Variants in MYO10 observed in about 807,000 individuals in gnomAD.
The protein encoded by MYO10 is myosin X, also known as unconventional myosin-X.
MYO10 carries 133 observed loss-of-function variants against 257.3 expected under a neutral mutation model. That is an observed-to-expected ratio of 0.52 (90% CI 0.45 to 0.60). The LOEUF is 0.60. MYO10 is among the 20% of genes least tolerant of loss of function. MYO10 has a pLI of 0.00. For synonymous variants in MYO10, 1,104 were observed against 1,028.6 expected, an observed-to-expected ratio of 1.07 and a Z score of -1.40; for missense variants, 2,399 against 2,635.7, an observed-to-expected ratio of 0.91 and a Z score of 1.97.
At chr5:16,798,007 G>A (rs1742018790) in intron 3 of MYO10, among the ~76,000 whole-genome samples, 1 of 152,218 alleles carries the variant, frequency 6.6e-6, no homozygotes. Flanking sequence ...TTGCAGGAGT[G>A]AGTTAGTTAT....
At chr5:16,681,172 C>T (rs1736978981) in intron 32 of MYO10, 137 bp downstream of exon 32, 3 of 922,840 alleles carry the variant, frequency 3.3e-6, no homozygotes, top group Non-Finnish European at 4.7e-6. Context: ...CCCAGACAGG[C>T]TTAGAAGATA....
At chr5:16,742,811 C>CAA (rs57564484) in intron 19 of MYO10, among the ~76,000 whole-genome samples, 27 of 133,562 alleles carry the variant, frequency 2.0e-4, no homozygotes, top group African/African-American at 6.9e-4. Context: ...GACTCGGTCT[C>CAA]AAAAAAAAAA....
intron 2 of MYO10, among the ~76,000 whole-genome samples, chr5:16,831,549 G>A (rs900231039): frequency 6.6e-6 from 1 of 150,940 alleles, no homozygotes. Flanking sequence ...CCATAAAAAG[G>A]AATGAATTAA....
chr5:16,930,312 T>A (rs1338798152), intron 1 of MYO10, among the ~76,000 whole-genome samples: 1 of 152,134 alleles, frequency 6.6e-6, no homozygotes, highest in Non-Finnish European at 1.5e-5. Flanking sequence ...GGAGTGGAAC[T>A]GGGTAACAGA....
chr5:16,775,159 C>T (rs922158788), intron 9 of MYO10, among the ~76,000 whole-genome samples: 2 of 152,186 alleles, frequency 1.3e-5, no homozygotes, highest in African/African-American at 2.4e-5. Flanking sequence ...AATAGCTTTT[C>T]ATCCTGACCT....
At chr5:16,753,750 C>G (rs1740450466) in intron 19 of MYO10, among the ~76,000 whole-genome samples, 1 of 152,072 alleles carries the variant, frequency 6.6e-6, no homozygotes, top group Non-Finnish European at 1.5e-5. Flanking sequence ...GGATTACAGG[C>G]GTGAGCCACC....
In MYO10 at chr5:16,918,505, T is replaced by TG. The variant is rs200729752; in HGVS notation, c.21+17282_21+17283insC. ...ACTGAAACTATTTTTCTTTTCTTTT[T>TG]TTTTTTTTTTTTTTGAGACAGAGTT... On this transcript the variant is annotated intron_variant, in intron 1 of 40. Transcript: ENST00000513610. 1.5e-3 allele frequency among the ~76,000 whole-genome samples: 193 copies of TG among 131,486 alleles called. 1 individual carries two copies. In the East Asian group the frequency reaches 0.032, roughly 22 times the overall value. 86.3% of individuals were successfully genotyped at this position (131,486 alleles called of 152,430 possible). A position where few individuals can be genotyped will look rare whatever the true frequency, so the allele number is the denominator to read the frequency against.
intron 19 of MYO10, among the ~76,000 whole-genome samples, chr5:16,751,415 T>C (rs1372309749): frequency 6.6e-6 from 1 of 152,286 alleles, no homozygotes; most frequent in African/African-American, 2.4e-5. Flanking sequence ...CCATCTACCA[T>C]CACACCTGCA....
At chr5:16,839,748 AT>A (rs773027312) in intron 2 of MYO10, among the ~76,000 whole-genome samples, 1 of 152,160 alleles carries the variant, frequency 6.6e-6, no homozygotes, top group Non-Finnish European at 1.5e-5. Flanking sequence ...CTCAAAAAAA[AT>A]AAATTAATTA....
intron 1 of MYO10, among the ~76,000 whole-genome samples, chr5:16,900,441 G>GA (rs1745345603): frequency 6.6e-6 from 1 of 152,048 alleles, no homozygotes; most frequent in Non-Finnish European, 1.5e-5. Context: ...CCTGAACAGA[G>GA]AAAAAAACTA....
Position 16,672,750 on chromosome 5 carries a change from G to A in MYO10, c.5248C>T (p.His1750Tyr). The A allele has an allele frequency of 6.2e-7, 1 of 1,613,992 alleles. No homozygotes were observed. Among genetic ancestry groups the A allele is most frequent in the Non-Finnish European group, 8.5e-7 (1 of 1,179,888 alleles). ...CGACTTTCAATGGCTTTGTCGACGT[G>A]GCCGTTGTATTCAAACAAAGCAAAC... ...NMFALFEYNGHVDKAIESRTV... is the reference protein window; with the variant it reads ...NMFALFEYNGYVDKAIESRTV... Residue 1750 changes from histidine (H) to tyrosine (Y), a missense_variant, in exon 37 of 41, where the codon CAC becomes TAC. By Grantham distance (83) the His-to-Tyr change is moderately conservative. Around this residue, in one of 3 missense-constraint regions of MYO10, gnomAD observed 1,820 missense variants for 1,939.4 expected, o/e 0.94. Transcript: ENST00000513610.
intron 2 of MYO10, among the ~76,000 whole-genome samples, chr5:16,873,870 C>T (rs965320909): frequency 2.0e-5 from 3 of 152,252 alleles, no homozygotes; most frequent in East Asian, 1.9e-4. Flanking sequence ...GACCTGGGCC[C>T]GGCCCACTAA....
chr5:16,889,378 C>T (rs1422705403), intron 1 of MYO10, among the ~76,000 whole-genome samples: 1 of 151,322 alleles, frequency 6.6e-6, no homozygotes, highest in Admixed American at 6.6e-5. Context: ...TATACTCCAG[C>T]CTGGGCAACA....
intron 6 of MYO10, 90 bp from the exon 7 acceptor site, chr5:16,780,831 CAAAT>C (rs1741400711): frequency 7.8e-7 from 1 of 1,283,362 alleles, no homozygotes; most frequent in East Asian, 2.5e-5. Context: ...CTTTGGTGCT[CAAAT>C]AATTACAGTT....
At chr5:16,845,498 C>T (rs1345838125) in intron 2 of MYO10, among the ~76,000 whole-genome samples, 1 of 151,974 alleles carries the variant, frequency 6.6e-6, no homozygotes, top group Non-Finnish European at 1.5e-5. Flanking sequence ...GAGACTCACG[C>T]CTCTTAAAAA....
At chr5:16,795,203 G>T (rs1196313778) in intron 3 of MYO10, among the ~76,000 whole-genome samples, 2 of 152,220 alleles carry the variant, frequency 1.3e-5, no homozygotes, top group African/African-American at 4.8e-5. Flanking sequence ...AAACAGCATG[G>T]TTAAAAAGTG....
Position 16,748,627 on chromosome 5 carries a change from A to G in MYO10, c.1929+6201T>C, listed in dbSNP as rs1004174107. ...AAAAGAGGGAGAGAGGGAGAGAGGG[A>G]GGGAGGGAGGGAGGGAGAAATAGCA... On this transcript the variant is annotated intron_variant, in intron 19 of 40. Coordinates refer to ENST00000513610, the MANE Select transcript of MYO10 (RefSeq NM_012334.3). Among the ~76,000 whole-genome samples the G allele has an allele frequency of 2.3e-5, 3 of 130,038 alleles. No homozygotes were observed. In the East Asian group the frequency reaches 8.1e-4, roughly 35 times the overall value. The allele number at this position is 130,038 out of a possible 152,430, so 85.3% of individuals were successfully genotyped here. A position where few individuals can be genotyped will look rare whatever the true frequency, so the allele number is the denominator to read the frequency against.
intron 19 of MYO10, among the ~76,000 whole-genome samples, chr5:16,753,413 C>A (rs1269130646): frequency 6.6e-6 from 1 of 151,408 alleles, no homozygotes; most frequent in African/African-American, 2.4e-5. Context: ...GTGATCCACC[C>A]GCCTCGGCCT....
At chr5:16,915,821 G>A (rs1175022732) in intron 1 of MYO10, among the ~76,000 whole-genome samples, 1 of 152,122 alleles carries the variant, frequency 6.6e-6, no homozygotes, top group African/African-American at 2.4e-5. Flanking sequence ...GCCGGGTGTG[G>A]TGGCATGCAC....
Sources: allele counts gnomAD v4.1 joint callset (sites outside exome capture counted in the v4.1 genomes callset), GRCh38; gene constraint gnomAD v4.1.1; regional missense constraint gnomAD v4.1.1; transcripts MANE v1.5; gene names NCBI Gene and HGNC (gene_info 2026-07-23, HGNC 2026-07-21).